Variants in HEATR9 observed in about 807,000 individuals in gnomAD.
HEATR9 encodes the protein protein HEATR9.
HEATR9 carries 54 observed loss-of-function variants against 68.2 expected under a neutral mutation model. The observed-to-expected ratio is 0.79, with a 90% confidence interval of 0.64 to 0.99. The LOEUF is 0.99. HEATR9 is among the 50% of genes least tolerant of loss of function. HEATR9 has a pLI of 0.00. For missense variants in HEATR9, 662 were observed against 679.7 expected, an observed-to-expected ratio of 0.97 and a Z score of 0.29; for synonymous variants, 241 against 253.5, an observed-to-expected ratio of 0.95 and a Z score of 0.47.
intron 12 of HEATR9, among the ~76,000 whole-genome samples, 192 bp downstream of exon 12, chr17:35,856,540 A>C (rs2087777123): frequency 6.6e-6 from 1 of 152,312 alleles, no homozygotes; most frequent in East Asian, 1.9e-4. Flanking sequence ...CTTTCTTTAC[A>C]GATGAACAAA....
At position 35,863,490 on chromosome 17, in the gene HEATR9, A is replaced by G; in HGVS notation, c.625+12T>C. On this transcript the variant is annotated intron_variant, in intron 7 of 14. Coordinates refer to ENST00000604834, the MANE Select transcript of HEATR9 (RefSeq NM_152781.4). ...TTTCTCAACTCCCCACCAAGGGAGA[A>G]GACATACTCACCCAGGATGGCCAGG... The G allele has an allele frequency of 6.2e-7, 1 of 1,613,808 alleles. No individual in the cohort carries two copies. The highest frequency in any genetic ancestry group is 8.5e-7 in the Non-Finnish European group (1 of 1,179,664).
chr17:35,868,114 G>C (rs2088274330), intron 1 of HEATR9, among the ~76,000 whole-genome samples: 1 of 152,178 alleles, frequency 6.6e-6, no homozygotes, highest in African/African-American at 2.4e-5. Context: ...TGCTGATGCT[G>C]CTGGTCATGG....
intron 14 of HEATR9, 58 bp from the exon 15 acceptor site, chr17:35,855,468 CAG>C: frequency 6.6e-7 from 1 of 1,511,840 alleles, no homozygotes; most frequent in Non-Finnish European, 9.1e-7. Context: ...TGGGAGGCTC[CAG>C]AGAGGGGGCA....
At chr17:35,856,450 T>C (rs1465319453) in intron 12 of HEATR9, 10 of 1,282,706 alleles carry the variant, frequency 7.8e-6, no homozygotes, top group Non-Finnish European at 1.1e-5. Context: ...AGAAATTTTA[T>C]CTTTTTAAAA....
rs746711696 is a variant in HEATR9 at position 35,856,337 on chromosome 17, A to T, written c.1227-113T>A. ...AATTAGGCAAAGTGATGCTAATTTCATTCATTTCCTTCTCTTGTTTCTTGG... is the reference window on the plus strand; with the variant it reads ...AATTAGGCAAAGTGATGCTAATTTCTTTCATTTCCTTCTCTTGTTTCTTGG... On this transcript the variant is annotated intron_variant, in intron 12 of 14. Coordinates refer to ENST00000604834, the MANE Select transcript of HEATR9 (RefSeq NM_152781.4). 6 of 1,611,264 alleles carry T rather than the reference A, an allele frequency of 3.7e-6. No individual in the cohort carries two copies. The East Asian group carries it at 1.3e-4, about 36-fold the overall frequency.
chr17:35,858,921 G>A lies in HEATR9; in HGVS notation c.906C>T (p.Cys302=). 6.2e-7 allele frequency: 1 copy of A among 1,614,060 alleles called. No homozygotes were observed. Among genetic ancestry groups the A allele is most frequent in the South Asian group, 1.1e-5 (1 of 91,072 alleles). The change falls in exon 9 of 15, where the codon TGC becomes TGT. Residue 302 remains cysteine (C), a synonymous_variant. Coordinates refer to ENST00000604834, the MANE Select transcript of HEATR9 (RefSeq NM_152781.4). The part of the protein sequence containing the change: ...SNMVQEFLLQ[C]LCQGLKTQRM... ...GCTGGGTCTTGAGTCCTTGGCACAG[G>A]CACTGCAACAAGAACTCTTGGACCA...
chr17:35,862,126 G>T (rs2088016955), intron 8 of HEATR9, among the ~76,000 whole-genome samples: 1 of 151,944 alleles, frequency 6.6e-6, no homozygotes, highest in African/African-American at 2.4e-5. Flanking sequence ...GTGAACATCT[G>T]CCTCAGCCTC....
intron 4 of HEATR9, 26 bp from the exon 5 acceptor site, chr17:35,864,579 A>C: frequency 6.2e-7 from 1 of 1,605,242 alleles, no homozygotes; most frequent in Middle Eastern, 1.7e-4. Flanking sequence ...AGCCAGTGGA[A>C]AGGAAGACAG....
intron 11 of HEATR9, 100 bp from the exon 12 acceptor site, chr17:35,856,905 A>G: frequency 9.0e-7 from 1 of 1,106,372 alleles, no homozygotes; most frequent in Non-Finnish European, 1.3e-6. Flanking sequence ...TGTGCTATGT[A>G]GAGTCCCTGC....
In HEATR9 at chr17:35,858,336, G is replaced by C; in HGVS notation, c.1033-17C>G. The C allele has an allele frequency of 6.2e-7, 1 of 1,614,142 alleles. No individual in the cohort carries two copies. On this transcript the variant is annotated splice_polypyrimidine_tract_variant and intron_variant, in intron 10 of 14. Coordinates refer to ENST00000604834, the MANE Select transcript of HEATR9 (RefSeq NM_152781.4). ...AAAGCGGTCCTGAGGTCGGGGGTGAGGGTTAGTGGGGAGGTGTGAAAGATG... is the reference window on the plus strand; with the variant it reads ...AAAGCGGTCCTGAGGTCGGGGGTGACGGTTAGTGGGGAGGTGTGAAAGATG...
chr17:35,858,558 G>A, intron 9 of HEATR9, 33 bp from the exon 10 acceptor site: 1 of 1,577,628 alleles, frequency 6.3e-7, no homozygotes, highest in Non-Finnish European at 8.7e-7. Context: ...AGGGTGTACA[G>A]GGCCTAGAGG....
intron 8 of HEATR9, 59 bp from the exon 9 acceptor site, chr17:35,859,129 G>C (rs1290718593): frequency 7.0e-7 from 1 of 1,435,640 alleles, no homozygotes; most frequent in African/African-American, 1.4e-5. Context: ...CAGGCTTTGT[G>C]CTTCCAGACT....
rs1417189055 is a variant in HEATR9, at chr17:35,864,770, C to T, written c.441G>A (p.Trp147Ter). 1 of 1,614,162 alleles carries T rather than the reference C, an allele frequency of 6.2e-7. No individual in the cohort carries two copies. Among genetic ancestry groups the T allele is most frequent in the Admixed American group, 1.7e-5 (1 of 60,020 alleles). Residue 147 changes from tryptophan to a stop codon, truncating the protein, a stop_gained, in exon 4 of 15, where the codon TGG becomes TGA. Coordinates refer to ENST00000604834, the MANE Select transcript of HEATR9 (RefSeq NM_152781.4). LOFTEE classifies it high-confidence loss of function. The part of the protein sequence containing the change: ...PLEPTQDPLK[W>*]QRLRELTKSL... Reference sequence around the variant, plus strand: ...ACATGGTCCTGACCCTTAATCTTTGCCACTTCAGGGGGTCCTGGGTAGGCT... The same window carrying T: ...ACATGGTCCTGACCCTTAATCTTTGTCACTTCAGGGGGTCCTGGGTAGGCT...
chr17:35,861,640 G>T, intron 8 of HEATR9: 4 of 593,536 alleles, frequency 6.7e-6, no homozygotes, highest in Non-Finnish European at 1.2e-5. Flanking sequence ...TGGTCCTTCT[G>T]CCTGGAATGT....
At position 35,854,978 on chromosome 17, in the gene HEATR9, G is replaced by C; in HGVS notation, c.*85C>G. The C allele has an allele frequency of 9.1e-7, 1 of 1,103,560 alleles. No individual in the cohort carries two copies. The highest frequency in any genetic ancestry group is 1.5e-5 in the South Asian group (1 of 66,856). The allele number at this position is 1,103,560 out of a possible 1,614,324, so 68.4% of individuals were successfully genotyped here. A position where few individuals can be genotyped will look rare whatever the true frequency, so the allele number is the denominator to read the frequency against. On this transcript the variant is annotated 3_prime_UTR_variant, in exon 15 of 15. Coordinates refer to ENST00000604834, the MANE Select transcript of HEATR9 (RefSeq NM_152781.4). ...GGTAGAGTGACACTTGTTTATTCAC[G>C]GAAGATAAGTATAGATTGTTTTCTC...
chr17:35,861,390 AGCT>A, intron 8 of HEATR9: 1 of 1,607,290 alleles, frequency 6.2e-7, no homozygotes, highest in Non-Finnish European at 8.5e-7. Context: ...GCTCTTTACC[AGCT>A]GCTTTCCGGA....
chr17:35,867,559 G>A (rs1380303872), intron 1 of HEATR9, among the ~76,000 whole-genome samples: 4 of 152,082 alleles, frequency 2.6e-5, no homozygotes, highest in Non-Finnish European at 5.9e-5. Flanking sequence ...CAGGCACTGG[G>A]GAGATAAGTA....
rs1568324883 is a variant in HEATR9, at chr17:35,864,285, GC to G, written c.527del (p.Arg176ProfsTer22). 6.2e-7 allele frequency: 1 copy of G among 1,612,978 alleles called. No individual in the cohort carries two copies. The highest frequency in any genetic ancestry group is 1.1e-5 in the South Asian group (1 of 91,056). On this transcript the variant is annotated frameshift_variant, in exon 6 of 15. Coordinates refer to ENST00000604834, the MANE Select transcript of HEATR9 (RefSeq NM_152781.4). LOFTEE classifies it high-confidence loss of function. ...FYAAQALGCL[R>X]ISDKFVMEAL... ...CCTCCATGACAAACTTGTCACTGAT[GC>G]GTAAGCATCCCAGAGCCTGCAGGAA...
chr17:35,855,395 T>A lies in HEATR9; in HGVS notation c.1381A>T (p.Ile461Phe). ...AVKKSLQETL[I>F]LCASIDPWIQ... is the part of the protein sequence containing the mutation. ...CAGGGATCAATTGAGGCACAAAGGATTAATGTTTCTTGTAGCTGCATTGAA... is the reference window on the plus strand; with the variant it reads ...CAGGGATCAATTGAGGCACAAAGGAATAATGTTTCTTGTAGCTGCATTGAA... The change falls in exon 15 of 15, where the codon ATC becomes TTC. Residue 461 changes from isoleucine (I) to phenylalanine (F), a missense_variant. Ile to Phe is a conservative substitution (Grantham distance 21, BLOSUM62 0). Coordinates refer to ENST00000604834, the MANE Select transcript of HEATR9 (RefSeq NM_152781.4). 1 of 1,612,988 alleles carries A rather than the reference T, an allele frequency of 6.2e-7. No individual in the cohort carries two copies. The highest frequency in any genetic ancestry group is 8.5e-7 in the Non-Finnish European group (1 of 1,179,376).
Sources: gnomAD v4.1 joint callset for allele counts (sites outside exome capture counted in the v4.1 genomes callset) on GRCh38, gnomAD v4.1.1 for gene constraint, MANE v1.5 for transcripts, NCBI Gene and HGNC (gene_info 2026-07-23, HGNC 2026-07-21) for gene names.